Variants in ABLIM1 observed in about 807,000 individuals in gnomAD.
ABLIM1 encodes actin binding LIM protein 1.
In ABLIM1, 40 loss-of-function variants were observed where a neutral mutation model predicts 107.0. That is an observed-to-expected ratio of 0.37 (90% CI 0.29 to 0.49). The LOEUF is 0.49. ABLIM1 is among the 20% of genes least tolerant of loss of function. The probability of loss-of-function intolerance (pLI) is 0.97; values close to 1 mark genes in which losing one functional copy is unlikely to be tolerated. For synonymous variants in ABLIM1, 357 were observed against 357.3 expected, an observed-to-expected ratio of 1.00 and a Z score of 0.01; for missense variants, 857 against 1,008.5, an observed-to-expected ratio of 0.85 and a Z score of 2.04.
At chr10:114,512,850 AGG>A (rs778226285) in intron 6 of ABLIM1, among the ~76,000 whole-genome samples, 22,641 of 114,468 alleles carry the variant, frequency 0.2, 2,423 homozygotes, top group Non-Finnish European at 0.23. Context: ...GAAGGAAGGA[AGG>A]AAAGAAGGAA....
intron 1 of ABLIM1, among the ~76,000 whole-genome samples, chr10:114,646,885 G>A (rs2079033739): frequency 2.0e-5 from 3 of 152,178 alleles, no homozygotes; most frequent in African/African-American, 7.2e-5. Flanking sequence ...TTCAGTTGAA[G>A]TATTACTAAA....
intron 12 of ABLIM1, among the ~76,000 whole-genome samples, chr10:114,453,941 T>C (rs1226679766): frequency 6.6e-6 from 1 of 152,206 alleles, no homozygotes; most frequent in East Asian, 1.9e-4. Context: ...GTTTCTCCGA[T>C]CTGAAGGTTA....
chr10:114,681,396 C>T (rs747446418), intron 1 of ABLIM1, among the ~76,000 whole-genome samples: 3 of 152,060 alleles, frequency 2.0e-5, no homozygotes, highest in East Asian at 1.9e-4. Flanking sequence ...GGTTTCACCA[C>T]GTTGGCCAGT....
chr10:114,534,631 G>A lies in ABLIM1; in HGVS notation c.894+10374C>T, dbSNP rs547573018. On this transcript the variant is annotated intron_variant, in intron 6 of 22. Transcript: ENST00000533213. ...TTACATTTTATTTTGTGACCCACCC[G>A]CCGCCGCCACCCCGCCGCATGTGGG... Among the ~76,000 whole-genome samples the A allele has an allele frequency of 2.1e-4, 32 of 152,010 alleles. No individual in the cohort carries two copies. In the East Asian group the frequency reaches 4.8e-3, roughly 23 times the overall value.
At chr10:114,557,837 C>A (rs1356566443) in intron 4 of ABLIM1, among the ~76,000 whole-genome samples, 13 of 136,422 alleles carry the variant, frequency 9.5e-5, no homozygotes, top group South Asian at 7.2e-4. Flanking sequence ...TTATGACTCT[C>A]AAAAAAAAAA....
rs1329763033 is a variant in ABLIM1 at position 114,487,839 on chromosome 10, G to T, written c.1041+119C>A. 3.2e-6 allele frequency: 4 copies of T among 1,261,860 alleles called. No individual in the cohort carries two copies. In the African/African-American group the frequency reaches 4.4e-5, roughly 14 times the overall value. The allele number at this position is 1,261,860 out of a possible 1,614,324, so 78.2% of individuals were successfully genotyped here. A position where few individuals can be genotyped will look rare whatever the true frequency, so the allele number is the denominator to read the frequency against. On this transcript the variant is annotated intron_variant, in intron 8 of 22. Coordinates refer to ENST00000533213, the MANE Select transcript of ABLIM1 (RefSeq NM_002313.7). ...GCCAAATGGCCTTTGAACTTAGTTT[G>T]CTATAAGGGAAAAAGTCAGTAAAAA...
intron 17 of ABLIM1, 43 bp from the exon 18 acceptor site, chr10:114,441,829 AAGGT>A: frequency 6.5e-7 from 1 of 1,549,038 alleles, no homozygotes; most frequent in Non-Finnish European, 8.9e-7. Context: ...AGGAAATCAG[AAGGT>A]CCAATCCTTT....
intron 1 of ABLIM1, among the ~76,000 whole-genome samples, chr10:114,753,865 G>A (rs189682780): frequency 6.6e-6 from 1 of 152,148 alleles, no homozygotes; most frequent in Admixed American, 6.5e-5. Context: ...TTTGTTTTTT[G>A]AGATGAGATG....
At chr10:114,530,984 T>C (rs542207184) in intron 6 of ABLIM1, among the ~76,000 whole-genome samples, 6 of 152,308 alleles carry the variant, frequency 3.9e-5, no homozygotes, top group African/African-American at 1.2e-4. Context: ...TTCAGATGCC[T>C]GGTAAAAAAG....
intron 1 of ABLIM1, among the ~76,000 whole-genome samples, chr10:114,720,730 T>TAA (rs1045851261): frequency 7.1e-6 from 1 of 140,904 alleles, no homozygotes; most frequent in Non-Finnish European, 1.6e-5. Flanking sequence ...TGCATTGAAA[T>TAA]AAAAAAAAAA....
At chr10:114,697,731 A>C (rs904329159) in intron 1 of ABLIM1, among the ~76,000 whole-genome samples, 5 of 152,220 alleles carry the variant, frequency 3.3e-5, no homozygotes, top group African/African-American at 2.4e-5. Context: ...CCTAATTTTC[A>C]ATTTTAGTAA....
At chr10:114,725,687 T>C (rs1049747844) in intron 1 of ABLIM1, among the ~76,000 whole-genome samples, 1 of 151,602 alleles carries the variant, frequency 6.6e-6, no homozygotes, top group Non-Finnish European at 1.5e-5. Context: ...TTGCGGTTTC[T>C]ACCGTTCACT....
In ABLIM1 at chr10:114,543,805, C is replaced by A. The variant is rs181546163; in HGVS notation, c.894+1200G>T. On this transcript the variant is annotated intron_variant, in intron 6 of 22. Coordinates refer to ENST00000533213, the MANE Select transcript of ABLIM1 (RefSeq NM_002313.7). ...ACTGACGTTTCTTATGTATCCTGTG[C>A]TTTTCCTCACCTCTGAGCCTCTGCA... Among the ~76,000 whole-genome samples, 430 of 152,324 alleles carry A rather than the reference C, an allele frequency of 2.8e-3. 4 individuals are homozygous for A. The highest frequency in any genetic ancestry group is 9.6e-3 in the African/African-American group (400 of 41,566).
intron 1 of ABLIM1, among the ~76,000 whole-genome samples, chr10:114,749,960 C>A (rs1004322093): frequency 2.0e-5 from 3 of 152,328 alleles, no homozygotes; most frequent in African/African-American, 7.2e-5. Context: ...GCACCCATCA[C>A]TATCTGATAT....
intron 18 of ABLIM1, among the ~76,000 whole-genome samples, 180 bp from the exon 19 acceptor site, chr10:114,441,257 T>C (rs112551711): frequency 2.9e-4 from 44 of 152,296 alleles, no homozygotes; most frequent in African/African-American, 9.4e-4. Context: ...TTTTTTAGTG[T>C]ACTAATGCCA....
At chr10:114,754,144 G>A (rs181338738) in intron 1 of ABLIM1, among the ~76,000 whole-genome samples, 6 of 152,226 alleles carry the variant, frequency 3.9e-5, no homozygotes, top group African/African-American at 7.2e-5. Flanking sequence ...GAGCCACTGC[G>A]CCCAGCCCTC....
At chr10:114,476,575 C>T (rs1320363456) in intron 8 of ABLIM1, among the ~76,000 whole-genome samples, 1 of 151,330 alleles carries the variant, frequency 6.6e-6, no homozygotes, top group African/African-American at 2.4e-5. Context: ...ACTTGGGAGG[C>T]GGAGGGTGCA....
intron 8 of ABLIM1, among the ~76,000 whole-genome samples, chr10:114,480,126 C>T (rs1397590789): frequency 3.3e-5 from 5 of 152,220 alleles, no homozygotes; most frequent in African/African-American, 9.6e-5. Flanking sequence ...TTGGTCATCA[C>T]AGAATTTTAC....
intron 4 of ABLIM1, among the ~76,000 whole-genome samples, chr10:114,565,551 G>C (rs1265440281): frequency 2.0e-5 from 3 of 152,138 alleles, no homozygotes; most frequent in African/African-American, 7.2e-5. Context: ...CTAGTAAGTG[G>C]AAGAGCCAGG....
Sources: allele counts gnomAD v4.1 joint callset (sites outside exome capture counted in the v4.1 genomes callset), GRCh38; gene constraint gnomAD v4.1.1; transcripts MANE v1.5; gene names NCBI Gene and HGNC (gene_info 2026-07-23, HGNC 2026-07-21).